Variants in TCF20 observed in about 807,000 individuals in gnomAD.
TCF20 encodes SPRE-binding protein.
Under a neutral mutation model 148.6 loss-of-function variants are expected in TCF20, and 3 were observed. The observed-to-expected ratio is 0.02, with a 90% CI of 0.01 to 0.05. The LOEUF (loss-of-function observed/expected upper bound fraction) is 0.05, where lower values mean the gene tolerates loss of function less well. Ranked by LOEUF, TCF20 falls within the 10% of genes least tolerant of loss-of-function variation. TCF20 has a pLI of 1.00. For missense variants in TCF20, 2,350 were observed against 2,429.3 expected, an observed-to-expected ratio of 0.97 and a Z score of 0.69; for synonymous variants, 1,049 against 909.5, an observed-to-expected ratio of 1.15 and a Z score of -2.76.
At chr22:42,240,735 C>T (rs1403508714) in intron 1 of TCF20, among the ~76,000 whole-genome samples, 3 of 152,168 alleles carry the variant, frequency 2.0e-5, no homozygotes, top group Non-Finnish European at 2.9e-5. Context: ...CCCAGCGAAC[C>T]TGTGAACTGA....
At chr22:42,179,526 A>G in intron 3 of TCF20, 83 bp downstream of exon 3, 1 of 1,019,208 alleles carries the variant, frequency 9.8e-7, no homozygotes, top group Non-Finnish European at 1.4e-6. Context: ...AGAAAAGAAA[A>G]AAAACAACGA....
chr22:42,257,060 C>T (rs943111977), intron 1 of TCF20, among the ~76,000 whole-genome samples: 1 of 152,050 alleles, frequency 6.6e-6, no homozygotes. Context: ...CTCAGGAGGC[C>T]GAGGAAGGAA....
chr22:42,306,837 G>A (rs992251206), intron 1 of TCF20, among the ~76,000 whole-genome samples: 7 of 152,026 alleles, frequency 4.6e-5, no homozygotes, highest in East Asian at 1.9e-4. Context: ...TCAGGAGTTC[G>A]AGACCAGCCT....
chr22:42,247,479 G>C (rs1925019826), intron 1 of TCF20, among the ~76,000 whole-genome samples: 1 of 149,496 alleles, frequency 6.7e-6, no homozygotes, highest in African/African-American at 2.5e-5. Context: ...GAACAGAAAA[G>C]AGGACACGGA....
intron 2 of TCF20, among the ~76,000 whole-genome samples, chr22:42,198,660 T>C (rs1235045793): frequency 6.8e-6 from 1 of 147,672 alleles, no homozygotes; most frequent in East Asian, 2.0e-4. Context: ...ATGGAATTTT[T>C]CCAAGTTTTT....
chr22:42,313,995 T>C (rs983224175), intron 1 of TCF20, among the ~76,000 whole-genome samples: 2 of 152,250 alleles, frequency 1.3e-5, no homozygotes, highest in African/African-American at 4.8e-5. Context: ...GCCTCCTTCC[T>C]GTCCTTCCCT....
chr22:42,220,085 T>G (rs896708231), intron 1 of TCF20, among the ~76,000 whole-genome samples: 2 of 152,218 alleles, frequency 1.3e-5, no homozygotes, highest in African/African-American at 4.8e-5. Flanking sequence ...ATTAGAGGGC[T>G]GATGACCTTG....
chr22:42,219,581 C>G (rs754640783), intron 1 of TCF20, among the ~76,000 whole-genome samples: 11 of 151,692 alleles, frequency 7.3e-5, no homozygotes, highest in Non-Finnish European at 1.3e-4. Context: ...AGAGGCTGGG[C>G]ACAGTGGCTC....
Position 42,263,309 on chromosome 22 carries a change from A to G in TCF20, c.-37+7030T>C, listed in dbSNP as rs79683805. Among the ~76,000 whole-genome samples, 48 of 152,268 alleles carry G rather than the reference A, an allele frequency of 3.2e-4. No homozygotes were observed. In the East Asian group the frequency reaches 9.3e-3, roughly 29 times the overall value. ...CAGGTAATTGGTCTCCCACAGCACT[A>G]AGTCAGGGAAACGCCCAGAGAAGTA... On this transcript the variant is annotated intron_variant, in intron 1 of 5. Coordinates refer to ENST00000677622, the MANE Select transcript of TCF20 (RefSeq NM_001378418.1).
chr22:42,183,436 G>A (rs1601540281), intron 2 of TCF20, among the ~76,000 whole-genome samples: 1 of 152,232 alleles, frequency 6.6e-6, no homozygotes, highest in East Asian at 1.9e-4. Context: ...CCCCCAGAGG[G>A]AGTTACAGTT....
intron 1 of TCF20, among the ~76,000 whole-genome samples, chr22:42,289,134 C>A (rs773493616): frequency 2.6e-5 from 4 of 152,244 alleles, no homozygotes; most frequent in Non-Finnish European, 5.9e-5. Context: ...ACCAGTTTCA[C>A]CTGGTCTCCA....
chr22:42,300,929 C>T (rs538097510), intron 1 of TCF20, among the ~76,000 whole-genome samples: 6 of 152,256 alleles, frequency 3.9e-5, no homozygotes, highest in African/African-American at 1.4e-4. Flanking sequence ...TCCCCAAGGC[C>T]CTGAGTCAGC....
chr22:42,194,166 T>C (rs897266600), intron 2 of TCF20, among the ~76,000 whole-genome samples: 1 of 152,206 alleles, frequency 6.6e-6, no homozygotes, highest in African/African-American at 2.4e-5. Flanking sequence ...TGGGGTTCTC[T>C]ACAGCTAATT....
At chr22:42,325,796 A>G (rs558742704) in intron 1 of TCF20, among the ~76,000 whole-genome samples, 1 of 152,128 alleles carries the variant, frequency 6.6e-6, no homozygotes, top group South Asian at 2.1e-4. Context: ...CCGAGCCCCA[A>G]TTCTGCAGCC....
chr22:42,213,912 T>C lies in TCF20; in HGVS notation c.1394A>G (p.Asn465Ser), dbSNP rs776191510. The change falls in exon 2 of 6, where the codon AAT becomes AGT. Residue 465 changes from asparagine (N) to serine (S), a missense_variant. Asn to Ser is a conservative substitution (Grantham distance 46, BLOSUM62 1). Transcript: ENST00000677622. Reference protein sequence around the residue: ...SLSALSTQVANLPNTVQHMLL... With the variant: ...SLSALSTQVASLPNTVQHMLL... ...CATGTGCTGGACAGTGTTAGGAAGATTGGCCACTTGAGTACTCAGAGCACT... is the reference window on the plus strand; with the variant it reads ...CATGTGCTGGACAGTGTTAGGAAGACTGGCCACTTGAGTACTCAGAGCACT... The C allele has an allele frequency of 5.1e-5, 82 of 1,614,030 alleles. No homozygotes were observed. The highest frequency in any genetic ancestry group is 4.2e-4 in the South Asian group (38 of 91,074).
intron 1 of TCF20, among the ~76,000 whole-genome samples, chr22:42,302,875 C>T (rs1927362973): frequency 6.6e-6 from 1 of 152,234 alleles, no homozygotes; most frequent in Non-Finnish European, 1.5e-5. Flanking sequence ...AGCCCTGGCA[C>T]ACGGCACGGG....
chr22:42,250,587 A>T, intron 1 of TCF20, among the ~76,000 whole-genome samples: 1 of 152,042 alleles, frequency 6.6e-6, no homozygotes, highest in East Asian at 1.9e-4. Flanking sequence ...TGTTTTTACT[A>T]CCTCATCAAA....
chr22:42,291,315 C>T (rs1246554900), intron 1 of TCF20, among the ~76,000 whole-genome samples: 1 of 152,180 alleles, frequency 6.6e-6, no homozygotes, highest in African/African-American at 2.4e-5. Flanking sequence ...GAGGGGCCCT[C>T]CCCACAGCCT....
chr22:42,198,960 C>T (rs988114176), intron 2 of TCF20, among the ~76,000 whole-genome samples: 1 of 152,120 alleles, frequency 6.6e-6, no homozygotes, highest in African/African-American at 2.4e-5. Flanking sequence ...CCACTGCGCC[C>T]TGCCCCCTCC....
Sources: gnomAD v4.1 joint callset for allele counts (sites outside exome capture counted in the v4.1 genomes callset) on GRCh38, gnomAD v4.1.1 for gene constraint, MANE v1.5 for transcripts, NCBI Gene and HGNC (gene_info 2026-07-23, HGNC 2026-07-21) for gene names.